Variants in RABL6 observed in about 807,000 individuals in gnomAD.
The protein encoded by RABL6 is RAB, member RAS oncogene family like 6, also known as rab-like protein 6.
RABL6 carries 28 observed loss-of-function variants against 72.9 expected under a neutral mutation model. The observed-to-expected ratio is 0.38, with a 90% confidence interval of 0.28 to 0.53. The LOEUF (loss-of-function observed/expected upper bound fraction) is 0.53. Among genes scored for constraint, RABL6 ranks in the 20% least tolerant of loss-of-function variants. RABL6 has a pLI of 0.80. For synonymous variants in RABL6, 477 were observed against 421.2 expected, an observed-to-expected ratio of 1.13 and a Z score of -1.62; for missense variants, 1,029 against 1,008.4, an observed-to-expected ratio of 1.02 and a Z score of -0.28.
At position 136,826,107 on chromosome 9, in the gene RABL6, C is replaced by T. The variant is rs1397052225; in HGVS notation, c.313+281C>T. On this transcript the variant is annotated intron_variant, in intron 3 of 14. Coordinates refer to ENST00000311502, the MANE Select transcript of RABL6 (RefSeq NM_024718.5). This position sits in a 1 kb window ranked among gnomAD's most constrained non-coding sequence, Gnocchi z 4.9. ...GCAGCCGGGGGGTGTGCTTTGAGCC[C>T]CAAGGCCCAGGGTGCTATTTTGGGA... is the stretch of plus-strand genomic sequence containing the variant. 6.6e-6 allele frequency among the ~76,000 whole-genome samples: 1 copy of T among 152,136 alleles called. No individual in the cohort carries two copies. The highest frequency in any genetic ancestry group is 6.5e-5 in the Admixed American group (1 of 15,286).
intron 10 of RABL6, among the ~76,000 whole-genome samples, chr9:136,838,582 G>C (rs1488590598): frequency 6.6e-6 from 1 of 152,260 alleles, no homozygotes; most frequent in Non-Finnish European, 1.5e-5. Context: ...TGGGGCAGCG[G>C]CTTCCTCCAG....
At chr9:136,833,639 C>CT (rs1449598151) in intron 7 of RABL6, 100 of 1,530,304 alleles carry the variant, frequency 6.5e-5, no homozygotes, top group Non-Finnish European at 8.5e-5. Flanking sequence ...GGACCTGAAC[C>CT]TCCTCGCCCT....
chr9:136,813,095 G>A, intron 1 of RABL6: 1 of 387,548 alleles, frequency 2.6e-6, no homozygotes, highest in South Asian at 2.3e-5. Context: ...GCCCAACAAA[G>A]CTGTCGAATG....
chr9:136,828,586 C>A, intron 4 of RABL6, 40 bp downstream of exon 4: 2 of 1,596,920 alleles, frequency 1.3e-6, no homozygotes, highest in East Asian at 4.5e-5. Flanking sequence ...TGGCTCAGGG[C>A]CCCGGGGTGC....
chr9:136,822,922 A>G (rs956621598), intron 1 of RABL6, among the ~76,000 whole-genome samples: 1 of 152,134 alleles, frequency 6.6e-6, no homozygotes, highest in African/African-American at 2.4e-5. Context: ...CCCCGTCTCT[A>G]CTAAAAATAC....
chr9:136,810,339 G>A (rs1438565403), intron 1 of RABL6, among the ~76,000 whole-genome samples: 3 of 152,144 alleles, frequency 2.0e-5, no homozygotes, highest in South Asian at 2.1e-4. Context: ...CCTTCCAGAG[G>A]AGAAAAGCCA....
chr9:136,826,842 C>G lies in RABL6; in HGVS notation c.313+1016C>G, dbSNP rs537019360. The G allele has an allele frequency of 1.4e-4, 21 of 152,420 alleles. No homozygotes were observed. Among genetic ancestry groups the G allele is most frequent in the African/African-American group, 3.6e-4 (15 of 41,552 alleles). The allele number at this position is 152,420 out of a possible 1,614,324, so 9.4% of individuals were successfully genotyped here. On this transcript the variant is annotated intron_variant, in intron 3 of 14. Transcript: ENST00000311502. This position sits in a 1 kb window ranked among gnomAD's most constrained non-coding sequence, Gnocchi z 4.9. ...TCCTGACCCCCATCCTGGCCCCTTT[C>G]GGAGCTGCAGAGATTTCCTGTGCCT...
rs1228982894 is a variant in RABL6 at position 136,840,611 on chromosome 9, C to T, written c.*89C>T. The T allele has an allele frequency of 1.3e-6, 2 of 1,549,676 alleles. No individual in the cohort carries two copies. The highest frequency in any genetic ancestry group is 2.4e-5 in the East Asian group (1 of 40,890). ...TGCCTCTGTACCATCGCCTTTGCCG[C>T]TGCCCCGTGGCTGCCGTGTGCGCTT... On this transcript the variant is annotated 3_prime_UTR_variant, in exon 15 of 15. Transcript: ENST00000311502.
intron 5 of RABL6, 122 bp downstream of exon 5, chr9:136,829,606 G>C: frequency 1.1e-6 from 1 of 904,366 alleles, no homozygotes; most frequent in Non-Finnish European, 1.7e-6. Flanking sequence ...AGGGACTCTT[G>C]CTGGGCAGCT....
At chr9:136,822,593 C>T (rs1311965068) in intron 1 of RABL6, among the ~76,000 whole-genome samples, 1 of 152,228 alleles carries the variant, frequency 6.6e-6, no homozygotes, top group Non-Finnish European at 1.5e-5. Flanking sequence ...CCCATCTCCA[C>T]CCGTTCTGAG....
At chr9:136,811,349 G>A (rs1463334505) in intron 1 of RABL6, among the ~76,000 whole-genome samples, 2 of 152,236 alleles carry the variant, frequency 1.3e-5, no homozygotes, top group African/African-American at 2.4e-5. Flanking sequence ...CGGGCGCGGT[G>A]GCTCACGCCT....
At position 136,837,933 on chromosome 9, in the gene RABL6, G is replaced by T. The variant is rs762571789; in HGVS notation, c.1198G>T (p.Asp400Tyr). The change falls in exon 10 of 15, where the codon GAC becomes TAC. Residue 400 changes from aspartate (D) to tyrosine (Y), a missense_variant. Asp to Tyr is a radical substitution (Grantham distance 160). Transcript: ENST00000311502. ...GGACTTTGTTCCTGACGACCGCCTG[G>T]ACCGCAGCTTCCTGGAAGACACAAC... Reference protein sequence around the residue: ...VEDFVPDDRLDRSFLEDTTPA... With the variant: ...VEDFVPDDRLYRSFLEDTTPA... The T allele has an allele frequency of 1.9e-6, 3 of 1,558,932 alleles. No homozygotes were observed. Among genetic ancestry groups the T allele is most frequent in the Non-Finnish European group, 2.6e-6 (3 of 1,152,182 alleles).
rs571683071 is a variant in RABL6 at position 136,821,722 on chromosome 9, G to C, written c.131-1803G>C. On this transcript the variant is annotated intron_variant, in intron 1 of 14. Coordinates refer to ENST00000311502, the MANE Select transcript of RABL6 (RefSeq NM_024718.5). ...CTGAGCGCCTGCGGCTCCGCTTGGG[G>C]CTGCTGTGCTCTCCACAGGCCGGGC... 1,128 of 1,081,896 alleles carry C rather than the reference G, an allele frequency of 1.0e-3. 23 individuals are homozygous for C. The South Asian group carries it at 0.023, about 22-fold the overall frequency. The allele number at this position is 1,081,896 out of a possible 1,614,324, so 67.0% of individuals were successfully genotyped here. A position where few individuals can be genotyped will look rare whatever the true frequency, so the allele number is the denominator to read the frequency against.
At chr9:136,834,165 T>G in intron 7 of RABL6, 1 of 1,274,584 alleles carries the variant, frequency 7.8e-7, no homozygotes, top group Non-Finnish European at 9.9e-7. Context: ...GGAAGCAAAT[T>G]TCAGGCCTTC....
At chr9:136,823,917 A>C (rs1848296078) in intron 2 of RABL6, among the ~76,000 whole-genome samples, 1 of 152,210 alleles carries the variant, frequency 6.6e-6, no homozygotes, top group Non-Finnish European at 1.5e-5. Context: ...GTGAGTGGGC[A>C]CGCGGGCGCC....
At chr9:136,840,262 C>T (rs751664676) in intron 14 of RABL6, 50 bp downstream of exon 14, 36 of 1,612,186 alleles carry the variant, frequency 2.2e-5, no homozygotes, top group Non-Finnish European at 2.8e-5. Flanking sequence ...GGCATGCGGT[C>T]CTGGGACCAG....
Position 136,837,434 on chromosome 9 carries a change from C to A in RABL6, c.898C>A (p.Pro300Thr), listed in dbSNP as rs755809896. The stretch of plus-strand genomic sequence containing the variant: ...GAGCCCATCCCCGGGCTCCCAGTCA[C>A]CAGTGGTGCCTGCAGGCGCTGTGTC... Reference protein sequence around the residue: ...GQSPSPGSQSPVVPAGAVSTG... With the variant: ...GQSPSPGSQSTVVPAGAVSTG... Residue 300 changes from proline (P) to threonine (T), a missense_variant, in exon 9 of 15, where the codon CCA (proline) becomes ACA (threonine). By Grantham distance (38) the Pro-to-Thr change is conservative. Transcript: ENST00000311502. 2 of 1,578,250 alleles carry A rather than the reference C, an allele frequency of 1.3e-6. No homozygotes were observed. The highest frequency in any genetic ancestry group is 2.3e-5 in the South Asian group (2 of 86,678).
intron 8 of RABL6, 23 bp from the exon 9 acceptor site, chr9:136,837,323 C>T: frequency 6.3e-7 from 1 of 1,591,014 alleles, no homozygotes; most frequent in South Asian, 1.1e-5. Context: ...AGCCAGGCTT[C>T]TCACCCGCCT....
intron 7 of RABL6, chr9:136,833,382 T>G (rs1156631855): frequency 2.0e-4 from 38 of 189,922 alleles, no homozygotes; most frequent in African/African-American, 1.3e-3. Flanking sequence ...TGAACCTCCT[T>G]GCCTGGGCTG....
Sources: gnomAD v4.1 joint callset for allele counts (sites outside exome capture counted in the v4.1 genomes callset) on GRCh38, gnomAD v4.1.1 for gene constraint, Gnocchi (gnomAD v3.1) non-coding constraint, MANE v1.5 for transcripts, NCBI Gene and HGNC (gene_info 2026-07-23, HGNC 2026-07-21) for gene names.